Variants in RAB33B observed in about 807,000 individuals in gnomAD.
RAB33B encodes RAB33B, member RAS oncogene family.
A neutral mutation model predicts 15.0 loss-of-function variants in RAB33B; 6 were observed. The observed-to-expected ratio is 0.40, with a 90% confidence interval of 0.22 to 0.79. The LOEUF is 0.79. Ranked by LOEUF, RAB33B falls within the 30% of genes least tolerant of loss-of-function variation. RAB33B has a pLI of 0.37. For synonymous variants in RAB33B, 117 were observed against 108.3 expected, an observed-to-expected ratio of 1.08 and a Z score of -0.50; for missense variants, 257 against 296.4, an observed-to-expected ratio of 0.87 and a Z score of 0.98.
chr4:139,456,896 C>T (rs1247420535), intron 1 of RAB33B, among the ~76,000 whole-genome samples: 1 of 152,146 alleles, frequency 6.6e-6, no homozygotes, highest in Non-Finnish European at 1.5e-5. Context: ...GCTGCTTCTG[C>T]TGCTTTTTGG....
chr4:139,466,546 T>G (rs1168304133), intron 1 of RAB33B, among the ~76,000 whole-genome samples: 1 of 151,972 alleles, frequency 6.6e-6, no homozygotes, highest in African/African-American at 2.4e-5. Context: ...TTCTAAATGC[T>G]AAAGATAGAA....
the RAB33B span, among the ~76,000 whole-genome samples, chr4:139,448,004 G>A: frequency 6.6e-6 from 1 of 152,168 alleles, no homozygotes; most frequent in Non-Finnish European, 1.5e-5. Flanking sequence ...TAAGAAGGGA[G>A]TTACAGTGTT....
the RAB33B span, among the ~76,000 whole-genome samples, chr4:139,442,798 T>C: frequency 0.19 from 29,151 of 151,972 alleles, 3,177 homozygotes; most frequent in Non-Finnish European, 0.25. Flanking sequence ...AATATATATA[T>C]CTATTCCATT....
the RAB33B span, among the ~76,000 whole-genome samples, chr4:139,444,843 G>A: frequency 6.6e-6 from 1 of 152,118 alleles, no homozygotes; most frequent in Admixed American, 6.6e-5. Context: ...GTAGAGTAAG[G>A]GCTATTATGG....
the RAB33B span, among the ~76,000 whole-genome samples, chr4:139,443,274 G>T: frequency 6.6e-6 from 1 of 152,186 alleles, no homozygotes; most frequent in Admixed American, 6.5e-5. Flanking sequence ...TTACAGGCTT[G>T]AGCCACCGCG....
intron 1 of RAB33B, 139 bp from the exon 2 acceptor site, chr4:139,472,547 C>A: frequency 1.6e-6 from 1 of 639,132 alleles, no homozygotes; most frequent in Non-Finnish European, 2.6e-6. Flanking sequence ...ATAGGTAACA[C>A]TGAAAAGACA....
intron 1 of RAB33B, among the ~76,000 whole-genome samples, chr4:139,463,043 G>A (rs1019404181): frequency 8.5e-5 from 13 of 152,218 alleles, no homozygotes; most frequent in Non-Finnish European, 2.9e-5. Context: ...ACACACTCCT[G>A]TAGTCGCAGC....
the RAB33B span, among the ~76,000 whole-genome samples, chr4:139,446,556 GAT>G: frequency 6.6e-6 from 1 of 152,384 alleles, no homozygotes; most frequent in South Asian, 2.1e-4. Flanking sequence ...CTGGGAAAGA[GAT>G]ATGTGGATGT....
intron 1 of RAB33B, among the ~76,000 whole-genome samples, chr4:139,470,042 T>C (rs1014686914): frequency 4.6e-5 from 7 of 152,200 alleles, no homozygotes; most frequent in Admixed American, 3.3e-4. Flanking sequence ...CTGCTGTAAC[T>C]ACTCCCTGGC....
At chr4:139,468,588 G>A (rs1181579232) in intron 1 of RAB33B, among the ~76,000 whole-genome samples, 1 of 152,126 alleles carries the variant, frequency 6.6e-6, no homozygotes, top group Non-Finnish European at 1.5e-5. Flanking sequence ...AATAAGAGTA[G>A]TTTATACACC....
In RAB33B at chr4:139,476,328, T is replaced by C. The variant is rs1465130142; in HGVS notation, c.*3202T>C. The C allele has an allele frequency of 3.9e-5, 6 of 152,162 alleles. No individual in the cohort carries two copies. 9.4% of individuals were successfully genotyped at this position (152,162 alleles called of 1,614,324 possible). On this transcript the variant is annotated 3_prime_UTR_variant, in exon 2 of 2. Transcript: ENST00000305626. ...ATTGCAGTTACTGATTTAGACACCATAGGATTAGGGATGTGGGGGCCTCTG... is the reference window on the plus strand; with the variant it reads ...ATTGCAGTTACTGATTTAGACACCACAGGATTAGGGATGTGGGGGCCTCTG...
the RAB33B span, among the ~76,000 whole-genome samples, chr4:139,443,933 C>G: frequency 1.3e-5 from 2 of 152,272 alleles, no homozygotes; most frequent in East Asian, 3.9e-4. Flanking sequence ...GGAGCCACCC[C>G]CAATACCCTT....
intron 1 of RAB33B, among the ~76,000 whole-genome samples, chr4:139,469,086 G>A (rs1243306745): frequency 6.6e-6 from 1 of 151,942 alleles, no homozygotes; most frequent in African/African-American, 2.4e-5. Context: ...TCTTATACTT[G>A]AATATTGATA....
Position 139,472,827 on chromosome 4 carries a change from G to T in RAB33B, c.391G>T (p.Glu131Ter), listed in dbSNP as rs1295900136. The T allele has an allele frequency of 1.2e-6, 2 of 1,614,046 alleles. No homozygotes were observed. The highest frequency in any genetic ancestry group is 1.3e-5 in the African/African-American group (1 of 74,918). The change falls in exon 2 of 2, where the codon GAA becomes TAA. Residue 131 changes from glutamate to a stop codon, truncating the protein, a stop_gained. Transcript: ENST00000305626. LOFTEE classifies it high-confidence loss of function. ...SFHSLPSWIE[E>*]CKQHLLANDI... ...TCATAGCCTACCATCTTGGATAGAA[G>T]AATGCAAACAACATTTGCTAGCCAA... is the stretch of plus-strand genomic sequence containing the variant.
rs1750506174 is a variant in RAB33B, at chr4:139,476,554, A to G, written c.*3428A>G. 1 of 152,252 alleles carries G rather than the reference A, an allele frequency of 6.6e-6. No homozygotes were observed. The allele number at this position is 152,252 out of a possible 1,614,324, so 9.4% of individuals were successfully genotyped here. A position where few individuals can be genotyped will look rare whatever the true frequency, so the allele number is the denominator to read the frequency against. On this transcript the variant is annotated 3_prime_UTR_variant, in exon 2 of 2. Coordinates refer to ENST00000305626, the MANE Select transcript of RAB33B (RefSeq NM_031296.3). ...GTTTGTTGGAATAACCTGATTTATC[A>G]AACATTTATCAAGTATGGGTCATGT... is the stretch of plus-strand genomic sequence containing the variant.
chr4:139,471,371 G>T (rs567583386), intron 1 of RAB33B, among the ~76,000 whole-genome samples: 30 of 152,244 alleles, frequency 2.0e-4, no homozygotes, highest in Admixed American at 2.0e-4. Context: ...TGCCCAGAGA[G>T]GCTCTCTGTA....
chr4:139,457,791 T>C (rs1750097168), intron 1 of RAB33B, among the ~76,000 whole-genome samples: 1 of 152,172 alleles, frequency 6.6e-6, no homozygotes, highest in African/African-American at 2.4e-5. Context: ...AATATCAAGA[T>C]TTCATGACAT....
intron 1 of RAB33B, among the ~76,000 whole-genome samples, chr4:139,472,137 AAGCATTTTAATTCTATGTTG>A (rs1750404513): frequency 1.3e-5 from 2 of 152,152 alleles, no homozygotes; most frequent in Non-Finnish European, 2.9e-5. Flanking sequence ...CTATAGTTTT[AAGCATTTTAATTCTATGTTG>A]AGCATTTTTA....
the RAB33B span, among the ~76,000 whole-genome samples, chr4:139,441,284 G>T: frequency 6.6e-5 from 10 of 152,298 alleles, no homozygotes; most frequent in Middle Eastern, 3.4e-3. Context: ...AGATTCCAGG[G>T]TTGAGGAAAT....
Sources: allele counts gnomAD v4.1 joint callset (sites outside exome capture counted in the v4.1 genomes callset), GRCh38; gene constraint gnomAD v4.1.1; transcripts MANE v1.5; gene names NCBI Gene and HGNC (gene_info 2026-07-23, HGNC 2026-07-21).